WWOX: variants seen among roughly 807,000 people sequenced by gnomAD.
WWOX encodes WW domain containing oxidoreductase.
A neutral mutation model predicts 46.2 loss-of-function variants in WWOX; 69 were observed. That is an observed-to-expected ratio of 1.49 (90% CI 1.23 to 1.82). The LOEUF is 1.82. Among genes scored for constraint, WWOX ranks in the 40% most tolerant of loss-of-function variants. The pLI is 0.00. For missense variants in WWOX, 919 were observed against 542.6 expected (o/e 1.69, Z -6.89); for synonymous variants, 359 against 202.6 (o/e 1.77, Z -6.56).
At chr16:79,038,279 T>A (rs988370) in intron 8 of WWOX, among the ~76,000 whole-genome samples, 3,506 of 152,200 alleles carry the variant, frequency 0.023, 145 homozygotes, top group African/African-American at 0.08. Context: ...CTCCTGAAGA[T>A]AAAATACATA....
intron 8 of WWOX, among the ~76,000 whole-genome samples, chr16:78,794,273 C>T (rs1309811132): frequency 6.6e-6 from 1 of 152,162 alleles, no homozygotes; most frequent in African/African-American, 2.4e-5. Context: ...CTTCCTTGAT[C>T]TTGGACTTCC....
intron 5 of WWOX, among the ~76,000 whole-genome samples, chr16:78,268,651 G>T (rs2079415594): frequency 6.6e-6 from 1 of 152,156 alleles, no homozygotes; most frequent in South Asian, 2.1e-4. Context: ...ACGTGGAAGA[G>T]TGGATGGACA....
At chr16:78,770,017 C>T (rs1160289250) in intron 8 of WWOX, among the ~76,000 whole-genome samples, 1 of 151,736 alleles carries the variant, frequency 6.6e-6, no homozygotes, top group Non-Finnish European at 1.5e-5. Context: ...GTACTACAGC[C>T]TGGGTGACAG....
At chr16:78,618,368 C>G (rs2046082344) in intron 8 of WWOX, among the ~76,000 whole-genome samples, 1 of 152,192 alleles carries the variant, frequency 6.6e-6, no homozygotes, top group African/African-American at 2.4e-5. Flanking sequence ...AGTCCTAGAT[C>G]AAGGTGTCAG....
At chr16:78,219,810 T>C (rs1242018510) in intron 5 of WWOX, among the ~76,000 whole-genome samples, 3 of 152,200 alleles carry the variant, frequency 2.0e-5, no homozygotes, top group Admixed American at 6.5e-5. Flanking sequence ...TCCTTCTCTT[T>C]GTTTTTCTTT....
rs889620280 is a variant in WWOX, at chr16:78,835,071, A to G, written c.1057-376537A>G. On this transcript the variant is annotated intron_variant, in intron 8 of 8. Coordinates refer to ENST00000566780, the MANE Select transcript of WWOX (RefSeq NM_016373.4). Reference sequence around the variant, plus strand: ...GAGGGCGTTAGTGTGCCCATTTTACAGAGGTGGAGGAGGAAGCTCCAAAAA... The same window carrying G: ...GAGGGCGTTAGTGTGCCCATTTTACGGAGGTGGAGGAGGAAGCTCCAAAAA... 8.5e-5 allele frequency among the ~76,000 whole-genome samples: 13 copies of G among 152,170 alleles called. 1 individual carries two copies. The highest frequency in any genetic ancestry group is 8.5e-4 in the Admixed American group (13 of 15,284).
chr16:78,154,054 C>T (rs1367134862), intron 4 of WWOX, among the ~76,000 whole-genome samples: 1 of 152,142 alleles, frequency 6.6e-6, no homozygotes, highest in Non-Finnish European at 1.5e-5. Context: ...CGATGCTCTC[C>T]ACCACCATGC....
At chr16:79,029,098 C>T (rs1048599772) in intron 8 of WWOX, among the ~76,000 whole-genome samples, 1 of 148,894 alleles carries the variant, frequency 6.7e-6, no homozygotes, top group Non-Finnish European at 1.5e-5. Flanking sequence ...GCAAACAGGC[C>T]AGCTGAGGTA....
intron 8 of WWOX, among the ~76,000 whole-genome samples, chr16:79,005,149 C>T (rs1030115453): frequency 1.3e-5 from 2 of 152,112 alleles, no homozygotes; most frequent in African/African-American, 4.8e-5. Context: ...TCTGGCCTTT[C>T]TCTTTTGCTT....
intron 8 of WWOX, among the ~76,000 whole-genome samples, chr16:78,927,101 A>G (rs2045515969): frequency 6.6e-6 from 1 of 152,208 alleles, no homozygotes; most frequent in South Asian, 2.1e-4. Context: ...CTGCCCAGGC[A>G]CCATTCTTGA....
At chr16:78,101,415 C>T (rs140846646) in intron 1 of WWOX, among the ~76,000 whole-genome samples, 1 of 141,722 alleles carries the variant, frequency 7.1e-6, no homozygotes, top group East Asian at 2.3e-4. Context: ...GGTGCGATCT[C>T]GGTTCACTGC....
intron 8 of WWOX, among the ~76,000 whole-genome samples, chr16:78,587,298 A>G (rs886502332): frequency 1.4e-5 from 2 of 146,850 alleles, no homozygotes; most frequent in Non-Finnish European, 3.0e-5. Context: ...CTCCCACAGT[A>G]TTGGGATTAC....
At chr16:78,817,169 A>G (rs375633247) in intron 8 of WWOX, among the ~76,000 whole-genome samples, 3 of 26,586 alleles carry the variant, frequency 1.1e-4, no homozygotes, top group Non-Finnish European at 1.6e-4. Context: ...CATTAGTGCT[A>G]TTCTTTTTTT....
intron 8 of WWOX, among the ~76,000 whole-genome samples, chr16:78,614,114 C>T (rs910405894): frequency 6.6e-6 from 1 of 152,188 alleles, no homozygotes; most frequent in Non-Finnish European, 1.5e-5. Context: ...TGTAATTAAG[C>T]ACATGAATAT....
At chr16:78,836,629 T>C (rs1454164801) in intron 8 of WWOX, among the ~76,000 whole-genome samples, 1 of 152,218 alleles carries the variant, frequency 6.6e-6, no homozygotes, top group African/African-American at 2.4e-5. Context: ...TAATTCTTGC[T>C]ACCATCCTTG....
intron 8 of WWOX, among the ~76,000 whole-genome samples, chr16:78,710,494 ATATATT>A (rs1335277453): frequency 1.5e-5 from 2 of 135,644 alleles, no homozygotes; most frequent in African/African-American, 5.4e-5. Flanking sequence ...ATATATATAT[ATATATT>A]TATATAAATA....
At chr16:79,146,783 T>C (rs1429757686) in intron 8 of WWOX, among the ~76,000 whole-genome samples, 1 of 152,150 alleles carries the variant, frequency 6.6e-6, no homozygotes, top group Non-Finnish European at 1.5e-5. Flanking sequence ...CGAAGACTAC[T>C]GAACAAGAGA....
intron 8 of WWOX, among the ~76,000 whole-genome samples, chr16:78,555,962 C>G (rs186181119): frequency 2.5e-3 from 387 of 152,086 alleles, no homozygotes; most frequent in Non-Finnish European, 3.8e-3. Context: ...TTATGAAATG[C>G]AAGGAATCGA....
At chr16:79,018,757 C>G (rs1029121950) in intron 8 of WWOX, among the ~76,000 whole-genome samples, 1 of 152,148 alleles carries the variant, frequency 6.6e-6, no homozygotes, top group African/African-American at 2.4e-5. Context: ...CTATTTTCGG[C>G]AAGTGGTTCT....
Sources: allele counts gnomAD v4.1 joint callset (sites outside exome capture counted in the v4.1 genomes callset), GRCh38; gene constraint gnomAD v4.1.1; transcripts MANE v1.5; gene names NCBI Gene and HGNC (gene_info 2026-07-23, HGNC 2026-07-21).